Variants in KLHL33 observed in about 807,000 individuals in gnomAD.
KLHL33 encodes the protein kelch-like protein 33.
KLHL33 carries 46 observed loss-of-function variants against 60.8 expected under a neutral mutation model. The ratio of observed to expected loss-of-function variants is 0.76; its 90% CI spans 0.60 to 0.97. The LOEUF is 0.97. KLHL33 is among the 50% of genes least tolerant of loss of function. The probability of loss-of-function intolerance (pLI) is 0.00; values close to 1 mark genes in which losing one functional copy is unlikely to be tolerated. For missense variants in KLHL33, 1,055 were observed against 1,000.0 expected, an observed-to-expected ratio of 1.05 and a Z score of -0.74; for synonymous variants, 434 against 432.2, an observed-to-expected ratio of 1.00 and a Z score of -0.05.
At position 20,435,322 on chromosome 14, in the gene KLHL33, C is replaced by G; in HGVS notation, c.490G>C (p.Val164Leu). ...LEVSPGGWEA[V>L]LTFAYEGVLG... ...ACCCCCTCATAGGCAAAGGTCAGCA[C>G]GGCCTCCCAGCCCCCTGGGGACACC... Residue 164 changes from valine to leucine, a missense_variant, in exon 2 of 5, where the codon GTG becomes CTG. Coordinates refer to ENST00000636854, the MANE Select transcript of KLHL33 (RefSeq NM_001365790.2). 1 of 1,234,366 alleles carries G rather than the reference C, an allele frequency of 8.1e-7. No homozygotes were observed. Among genetic ancestry groups the G allele is most frequent in the Non-Finnish European group, 1.0e-6 (1 of 988,160 alleles). 76.5% of individuals were successfully genotyped at this position (1,234,366 alleles called of 1,614,324 possible).
In KLHL33 at chr14:20,429,017, A is replaced by G; in HGVS notation, c.2226T>C (p.Tyr742=). Residue 742 remains tyrosine, a synonymous_variant, in exon 5 of 5, where the codon TAT becomes TAC. Coordinates refer to ENST00000636854, the MANE Select transcript of KLHL33 (RefSeq NM_001365790.2). ...LVLGGYSHRT[Y]ALSHLIHAYC... ...AGGCATGGATAAGGTGAGAGAGGGCATAAGTACGGTGACTGTAGCCCCCGA... is the reference window on the plus strand; with the variant it reads ...AGGCATGGATAAGGTGAGAGAGGGCGTAAGTACGGTGACTGTAGCCCCCGA... The G allele has an allele frequency of 6.4e-7, 1 of 1,551,754 alleles. No homozygotes were observed. The highest frequency in any genetic ancestry group is 8.7e-7 in the Non-Finnish European group (1 of 1,146,992).
rs893363197 is a variant in KLHL33, at chr14:20,430,031, G to A, written c.1437C>T (p.Gly479=). The A allele has an allele frequency of 1.8e-5, 28 of 1,551,726 alleles. No homozygotes were observed. The highest frequency in any genetic ancestry group is 2.4e-5 in the Non-Finnish European group (28 of 1,147,006). Residue 479 remains glycine, a synonymous_variant, in exon 3 of 5, where the codon GGC becomes GGT. Transcript: ENST00000636854. ...REPDRALVVI[G]GDGLRPDMAL... is the part of the protein sequence containing the mutation. ...CCATGTCTGGTCTGAGCCCATCCCC[G>A]CCAATCACTACCAGTGCCCGGTCAG...
intron 2 of KLHL33, 49 bp from the exon 3 acceptor site, chr14:20,430,768 C>T (rs531331194): frequency 2.3e-6 from 3 of 1,300,094 alleles, no homozygotes; most frequent in East Asian, 2.6e-5. Flanking sequence ...ATTGCAAGAC[C>T]GATAGGCATT....
In KLHL33 at chr14:20,430,573, C is replaced by G; in HGVS notation, c.895G>C (p.Val299Leu). 2 of 1,538,896 alleles carry G rather than the reference C, an allele frequency of 1.3e-6. No individual in the cohort carries two copies. The highest frequency in any genetic ancestry group is 8.7e-7 in the Non-Finnish European group (1 of 1,147,016). Reference sequence around the variant, plus strand: ...AGCCCTGGCCACCTTGCCCGCACAACTCCGGAGTAAGCAAAAGAGACGAGG... The same window carrying G: ...AGCCCTGGCCACCTTGCCCGCACAAGTCCGGAGTAAGCAAAAGAGACGAGG... ...RLLVSFAYSG[V>L]VRARWPGLLR... Residue 299 changes from valine to leucine, a missense_variant, in exon 3 of 5, where the codon GTT becomes CTT. Physicochemically the swap from Val to Leu is conservative, Grantham distance 32. Transcript: ENST00000636854.
Position 20,435,053 on chromosome 14 carries a change from C to T in KLHL33, c.748+11G>A. The T allele has an allele frequency of 8.1e-7, 1 of 1,234,506 alleles. No individual in the cohort carries two copies. The highest frequency in any genetic ancestry group is 1.5e-5 in the African/African-American group (1 of 64,640). The allele number at this position is 1,234,506 out of a possible 1,614,324, so 76.5% of individuals were successfully genotyped here. On this transcript the variant is annotated intron_variant, in intron 2 of 4. Coordinates refer to ENST00000636854, the MANE Select transcript of KLHL33 (RefSeq NM_001365790.2). The stretch of plus-strand genomic sequence containing the variant: ...GCACCTGCAGTAATTTAATGCCCCA[C>T]AGGCCCTCACCCGACAGCTGGCAGC...
Position 20,430,356 on chromosome 14 carries a change from A to G in KLHL33, c.1112T>C (p.Leu371Ser). Residue 371 changes from leucine to serine, a missense_variant, in exon 3 of 5, where the codon TTG becomes TCG. Transcript: ENST00000636854. ...YLLTHLPAVA[L>S]CPAFPSLPAA... Reference sequence around the variant, plus strand: ...TGGTAAAGAAGGGAAAGCAGGACACAAGGCTACAGCAGGCAGGTGGGTGAG... The same window carrying G: ...TGGTAAAGAAGGGAAAGCAGGACACGAGGCTACAGCAGGCAGGTGGGTGAG... 6.4e-7 allele frequency: 1 copy of G among 1,551,914 alleles called. No homozygotes were observed. Among genetic ancestry groups the G allele is most frequent in the Non-Finnish European group, 8.7e-7 (1 of 1,147,046 alleles).
At chr14:20,434,892 C>T (rs1322092922) in intron 2 of KLHL33, among the ~76,000 whole-genome samples, 172 bp downstream of exon 2, 2 of 152,174 alleles carry the variant, frequency 1.3e-5, no homozygotes, top group Non-Finnish European at 2.9e-5. Context: ...AACTCGACTG[C>T]GCATGCCCGG....
In KLHL33 at chr14:20,429,669, C is replaced by A. The variant is rs1440086764; in HGVS notation, c.1674G>T (p.Arg558Ser). The change falls in exon 4 of 5, where the codon AGG (arginine) becomes AGT (serine). Residue 558 changes from arginine to serine, a missense_variant and splice_region_variant. Coordinates refer to ENST00000636854, the MANE Select transcript of KLHL33 (RefSeq NM_001365790.2). ...CCCAGTCCTCTTGACTGGGCTCCCA[C>A]CTGGACACAGTAGGACAAGAGATTG... ...SHSNTLASTL[R>S]WEPSQEDWEE... 6.4e-7 allele frequency: 1 copy of A among 1,551,192 alleles called. No individual in the cohort carries two copies. The highest frequency in any genetic ancestry group is 1.4e-5 in the African/African-American group (1 of 73,008).
intron 2 of KLHL33, among the ~76,000 whole-genome samples, chr14:20,431,272 C>T (rs915807919): frequency 6.6e-6 from 1 of 152,214 alleles, no homozygotes; most frequent in South Asian, 2.1e-4. Flanking sequence ...CCAACCTCAT[C>T]GGATTGCTGT....
chr14:20,429,525 G>T lies in KLHL33; in HGVS notation c.1818C>A (p.Tyr606Ter). 6.4e-7 allele frequency: 1 copy of T among 1,552,240 alleles called. No individual in the cohort carries two copies. The highest frequency in any genetic ancestry group is 1.2e-5 in the South Asian group (1 of 84,058). ...ACCTCCAGACATTGAGCTCAGGGTT[G>T]TAGGTCTCCACAGAGTCCAGGGCAA... ...NDVALDSVET[Y>*]NPELNVWRPA... The change falls in exon 4 of 5, where the codon TAC (tyrosine) becomes TAA (stop). Residue 606 changes from tyrosine (Y) to a stop codon, truncating the protein, a stop_gained. Coordinates refer to ENST00000636854, the MANE Select transcript of KLHL33 (RefSeq NM_001365790.2). LOFTEE classifies it high-confidence loss of function.
Position 20,427,011 on chromosome 14 carries a change from C to T in KLHL33, c.*1838G>A, listed in dbSNP as rs1391516321. 1.7e-5 allele frequency: 2 copies of T among 119,370 alleles called. No individual in the cohort carries two copies. Among genetic ancestry groups the T allele is most frequent in the African/African-American group, 3.4e-5 (1 of 29,670 alleles). The allele number at this position is 119,370 out of a possible 1,614,324, so 7.4% of individuals were successfully genotyped here. A position where few individuals can be genotyped will look rare whatever the true frequency, so the allele number is the denominator to read the frequency against. On this transcript the variant is annotated 3_prime_UTR_variant, in exon 5 of 5. Transcript: ENST00000636854. ...GAACACGTGGACACAGGAAGGGGAA[C>T]ATCACACTCTGGAGAATGTTGTGGG...
rs1480341337 is a variant in KLHL33, at chr14:20,427,420, T to A, written c.*1429A>T. 1 of 152,168 alleles carries A rather than the reference T, an allele frequency of 6.6e-6. No individual in the cohort carries two copies. The highest frequency in any genetic ancestry group is 1.5e-5 in the Non-Finnish European group (1 of 68,018). 9.4% of individuals were successfully genotyped at this position (152,168 alleles called of 1,614,324 possible). A position where few individuals can be genotyped will look rare whatever the true frequency, so the allele number is the denominator to read the frequency against. On this transcript the variant is annotated 3_prime_UTR_variant, in exon 5 of 5. Transcript: ENST00000636854. ...AGGTGGCAAGAGCAGCAGAATTATCTGAAAAGCCTCTGGAATACCCACTTC... is the reference window on the plus strand; with the variant it reads ...AGGTGGCAAGAGCAGCAGAATTATCAGAAAAGCCTCTGGAATACCCACTTC...
Position 20,429,636 on chromosome 14 carries a change from C to T in KLHL33, c.1707G>A (p.Met569Ile), listed in dbSNP as rs755354898. The change falls in exon 4 of 5, where the codon ATG becomes ATA. Residue 569 changes from methionine to isoleucine, a missense_variant. By Grantham distance (10) the Met-to-Ile change is conservative. Transcript: ENST00000636854. ...GGCTTCGAGCCTGGGACAAAGGAGC[C>T]ATCTCCTCCCAGTCCTCTTGACTGG... ...WEPSQEDWEE[M>I]APLSQARSLF... 5.8e-6 allele frequency: 9 copies of T among 1,551,832 alleles called. No individual in the cohort carries two copies. Among genetic ancestry groups the T allele is most frequent in the Non-Finnish European group, 7.8e-6 (9 of 1,147,038 alleles).
In KLHL33 at chr14:20,429,067, C is replaced by G; in HGVS notation, c.2176G>C (p.Val726Leu). 6.4e-7 allele frequency: 1 copy of G among 1,551,758 alleles called. No homozygotes were observed. The highest frequency in any genetic ancestry group is 8.7e-7 in the Non-Finnish European group (1 of 1,146,996). The change falls in exon 5 of 5, where the codon GTG (valine) becomes CTG (leucine). Residue 726 changes from valine to leucine, a missense_variant. Physicochemically the swap from Val to Leu is conservative, Grantham distance 32. Coordinates refer to ENST00000636854, the MANE Select transcript of KLHL33 (RefSeq NM_001365790.2). ...PSPHVGAASAVLQGELLVLGG... is the reference protein window; with the variant it reads ...PSPHVGAASALLQGELLVLGG... ...AGCACCAGTAGCTCCCCCTGCAGCA[C>G]AGCACTTGCAGCCCCCACATGGGGG...
Position 20,429,813 on chromosome 14 carries a change from G to T in KLHL33, c.1655C>A (p.Thr552Asn), listed in dbSNP as rs762049626. Reference protein sequence around the residue: ...GGQDFYSHSNTLASTLRWEPS... With the variant: ...GGQDFYSHSNNLASTLRWEPS... The stretch of plus-strand genomic sequence containing the variant: ...CTTATACCTGAGAGTTGAAGCCAGG[G>T]TGTTGGAGTGACTGTAGAAATCTTG... Residue 552 changes from threonine to asparagine, a missense_variant, in exon 3 of 5, where the codon ACC becomes AAC. Coordinates refer to ENST00000636854, the MANE Select transcript of KLHL33 (RefSeq NM_001365790.2). 32 of 1,542,864 alleles carry T rather than the reference G, an allele frequency of 2.1e-5. 1 individual carries two copies. The South Asian group carries it at 3.6e-4, about 17-fold the overall frequency.
Position 20,429,617 on chromosome 14 carries a change from G to C in KLHL33, c.1726C>G (p.Arg576Gly). 1 of 1,551,774 alleles carries C rather than the reference G, an allele frequency of 6.4e-7. No homozygotes were observed. Among genetic ancestry groups the C allele is most frequent in the Non-Finnish European group, 8.7e-7 (1 of 1,146,998 alleles). Residue 576 changes from arginine to glycine, a missense_variant, in exon 4 of 5, where the codon CGA becomes GGA. Coordinates refer to ENST00000636854, the MANE Select transcript of KLHL33 (RefSeq NM_001365790.2). ...AGTGCCACCAAGGAGAAAAGGCTTCGAGCCTGGGACAAAGGAGCCATCTCC... is the reference window on the plus strand; with the variant it reads ...AGTGCCACCAAGGAGAAAAGGCTTCCAGCCTGGGACAAAGGAGCCATCTCC... ...WEEMAPLSQA[R>G]SLFSLVALDG...
At position 20,430,723 on chromosome 14, in the gene KLHL33, C is replaced by A; in HGVS notation, c.749-4G>T. On this transcript the variant is annotated splice_region_variant and splice_polypyrimidine_tract_variant and intron_variant, in intron 2 of 4. Transcript: ENST00000636854. Reference sequence around the variant, plus strand: ...CAGGCCAGGGCGGCTCGGTGCACTGCAGGAGGGGAGAAGGAATAGAGGAGG... The same window carrying A: ...CAGGCCAGGGCGGCTCGGTGCACTGAAGGAGGGGAGAAGGAATAGAGGAGG... The A allele has an allele frequency of 6.7e-7, 1 of 1,499,332 alleles. No homozygotes were observed. Among genetic ancestry groups the A allele is most frequent in the Non-Finnish European group, 8.9e-7 (1 of 1,127,632 alleles). The allele number at this position is 1,499,332 out of a possible 1,614,324, so 92.9% of individuals were successfully genotyped here. A position where few individuals can be genotyped will look rare whatever the true frequency, so the allele number is the denominator to read the frequency against.
Position 20,428,696 on chromosome 14 carries a change from A to G in KLHL33, c.*153T>C, listed in dbSNP as rs945168284. ...GGAGTTCTGGAACCACCATTTCCTCAACGGAGATCATACGTACAAAAGCAG... is the reference window on the plus strand; with the variant it reads ...GGAGTTCTGGAACCACCATTTCCTCGACGGAGATCATACGTACAAAAGCAG... On this transcript the variant is annotated 3_prime_UTR_variant, in exon 5 of 5. Coordinates refer to ENST00000636854, the MANE Select transcript of KLHL33 (RefSeq NM_001365790.2). 9 of 710,812 alleles carry G rather than the reference A, an allele frequency of 1.3e-5. No individual in the cohort carries two copies. The highest frequency in any genetic ancestry group is 2.1e-5 in the Non-Finnish European group (9 of 430,404). The allele number at this position is 710,812 out of a possible 1,614,324, so 44.0% of individuals were successfully genotyped here.
intron 2 of KLHL33, among the ~76,000 whole-genome samples, chr14:20,433,071 C>T (rs536605589): frequency 6.6e-6 from 1 of 152,122 alleles, no homozygotes; most frequent in East Asian, 1.9e-4. Context: ...TTTTTCCTTT[C>T]ACACCTAGTC....
Sources: gnomAD v4.1 joint callset for allele counts (sites outside exome capture counted in the v4.1 genomes callset) on GRCh38, gnomAD v4.1.1 for gene constraint, MANE v1.5 for transcripts, NCBI Gene and HGNC (gene_info 2026-07-23, HGNC 2026-07-21) for gene names.